PCSK5: variants seen among roughly 807,000 people sequenced by gnomAD.
PCSK5 encodes the protein proprotein convertase subtilisin/kexin type 5.
PCSK5 carries 129 observed loss-of-function variants against 233.2 expected under a neutral mutation model. That is an observed-to-expected ratio of 0.55 (90% CI 0.48 to 0.64). PCSK5 has a LOEUF of 0.64. Among genes scored for constraint, PCSK5 ranks in the 30% least tolerant of loss-of-function variants. PCSK5 has a pLI of 0.00. For missense variants in PCSK5, 2,076 were observed against 2,430.1 expected, an observed-to-expected ratio of 0.85 and a Z score of 3.06; for synonymous variants, 825 against 879.2, an observed-to-expected ratio of 0.94 and a Z score of 1.09.
At chr9:76,332,811 A>G (rs1829573878) in intron 34 of PCSK5, among the ~76,000 whole-genome samples, 1 of 152,228 alleles carries the variant, frequency 6.6e-6, no homozygotes, top group Non-Finnish European at 1.5e-5. Flanking sequence ...GTTAACACAA[A>G]GGGTCAGATT....
chr9:76,229,274 T>C (rs932940134), intron 21 of PCSK5, among the ~76,000 whole-genome samples: 3 of 152,250 alleles, frequency 2.0e-5, no homozygotes, highest in African/African-American at 7.2e-5. Flanking sequence ...TGCCAATGCA[T>C]GTTTGGACGT....
chr9:76,076,293 G>A (rs1212316132), intron 7 of PCSK5, among the ~76,000 whole-genome samples: 1 of 151,370 alleles, frequency 6.6e-6, no homozygotes, highest in East Asian at 1.9e-4. Flanking sequence ...AGCTCAGCAA[G>A]GCTTTCTAAA....
intron 5 of PCSK5, among the ~76,000 whole-genome samples, chr9:76,065,567 C>G (rs903498472): frequency 6.6e-6 from 1 of 152,034 alleles, no homozygotes; most frequent in Non-Finnish European, 1.5e-5. Context: ...CCTGGTCAGA[C>G]AGAGTTTGCC....
At chr9:76,189,827 A>C in intron 20 of PCSK5, 81 bp downstream of exon 20, 1 of 754,264 alleles carries the variant, frequency 1.3e-6, no homozygotes, top group Non-Finnish European at 2.3e-6. Context: ...TCCACTTAAA[A>C]AAGAAACTCA....
intron 5 of PCSK5, among the ~76,000 whole-genome samples, chr9:76,040,325 G>GTCTCTCTCTCTCTCTCTCTCTC (rs757550088): frequency 8.9e-5 from 7 of 79,050 alleles, no homozygotes; most frequent in Non-Finnish European, 1.6e-4. Flanking sequence ...TGTGTTCTCT[G>GTCTCTCTCTCTCTCTCTCTCTC]TCTCTCTCTC....
At chr9:75,896,993 A>G (rs1825835327) in intron 1 of PCSK5, among the ~76,000 whole-genome samples, 1 of 152,182 alleles carries the variant, frequency 6.6e-6, no homozygotes, top group Non-Finnish European at 1.5e-5. Flanking sequence ...CAAGACTAAG[A>G]GTCAGGTTTG....
intron 24 of PCSK5, among the ~76,000 whole-genome samples, chr9:76,289,469 CCACA>C (rs201456283): frequency 0.22 from 28,500 of 129,708 alleles, 3,737 homozygotes; most frequent in Middle Eastern, 0.33. Context: ...ATTCCCCTCA[CCACA>C]CACACACACA....
intron 12 of PCSK5, among the ~76,000 whole-genome samples, chr9:76,164,968 T>C (rs1330968357): frequency 6.6e-6 from 1 of 151,872 alleles, no homozygotes; most frequent in African/African-American, 2.4e-5. Context: ...TCATTTTAGG[T>C]ATTACAGACC....
intron 24 of PCSK5, among the ~76,000 whole-genome samples, chr9:76,264,099 C>T (rs1827263790): frequency 6.6e-6 from 1 of 152,076 alleles, no homozygotes; most frequent in South Asian, 2.1e-4. Flanking sequence ...GGTATTTGTA[C>T]AGAAACAAAC....
At chr9:76,069,747 G>A (rs1021934101) in intron 6 of PCSK5, among the ~76,000 whole-genome samples, 1 of 152,126 alleles carries the variant, frequency 6.6e-6, no homozygotes, top group Non-Finnish European at 1.5e-5. Flanking sequence ...TAGAACACTA[G>A]TGAGCTTATT....
chr9:75,904,456 C>T (rs897458292), intron 1 of PCSK5, among the ~76,000 whole-genome samples: 2 of 152,070 alleles, frequency 1.3e-5, no homozygotes, highest in African/African-American at 4.8e-5. Context: ...ACCAATTTCT[C>T]AATTAAAAAT....
At chr9:76,032,145 A>C (rs775269378) in intron 5 of PCSK5, among the ~76,000 whole-genome samples, 5 of 152,222 alleles carry the variant, frequency 3.3e-5, no homozygotes, top group Admixed American at 2.0e-4. Flanking sequence ...TGTAATTATC[A>C]TCAGAATAAG....
chr9:76,325,733 G>A (rs139476545), intron 32 of PCSK5, among the ~76,000 whole-genome samples: 1 of 151,946 alleles, frequency 6.6e-6, no homozygotes, highest in Non-Finnish European at 1.5e-5. Context: ...CGCCTCCCTG[G>A]TTCAAGAGAT....
Position 75,932,454 on chromosome 9 carries a change from A to C in PCSK5, c.268A>C (p.Thr90Pro). The C allele has an allele frequency of 1.2e-6, 2 of 1,611,906 alleles. No homozygotes were observed. The highest frequency in any genetic ancestry group is 2.7e-5 in the African/African-American group (2 of 74,970). ...IKRSVISSRGTHSFISMEPKV... is the reference protein window; with the variant it reads ...IKRSVISSRGPHSFISMEPKV... ...AAGGTCAGTTATCTCGAGCAGAGGG[A>C]CCCACAGTTTCATTTCAATGGAACC... is the stretch of plus-strand genomic sequence containing the variant. The change falls in exon 2 of 38, where the codon ACC becomes CCC. Residue 90 changes from threonine to proline, a missense_variant. Physicochemically the swap from Thr to Pro is conservative, Grantham distance 38. This residue lies in a region of PCSK5 where 190 missense variants were observed against 216.3 expected (regional missense o/e 0.88). Transcript: ENST00000674117.
chr9:76,271,185 C>G (rs1289110113), intron 24 of PCSK5, among the ~76,000 whole-genome samples: 1 of 151,976 alleles, frequency 6.6e-6, no homozygotes, highest in African/African-American at 2.4e-5. Context: ...AATTCAGAAT[C>G]AAATGAGCAT....
intron 10 of PCSK5, among the ~76,000 whole-genome samples, chr9:76,146,201 CA>C (rs935712600): frequency 2.6e-5 from 4 of 152,014 alleles, no homozygotes; most frequent in African/African-American, 9.7e-5. Context: ...CTGAAATTTC[CA>C]AAGTCATCCT....
At chr9:76,097,271 G>C (rs1376798580) in intron 8 of PCSK5, among the ~76,000 whole-genome samples, 1 of 5,762 alleles carries the variant, frequency 1.7e-4, no homozygotes, top group African/African-American at 7.6e-4. Context: ...TTTTTTTTTT[G>C]AGACGGAGTC....
At position 76,013,910 on chromosome 9, in the gene PCSK5, T is replaced by C. The variant is rs555982913; in HGVS notation, c.412-9828T>C. On this transcript the variant is annotated intron_variant, in intron 3 of 37. Transcript: ENST00000674117. Reference sequence around the variant, plus strand: ...CCTTGACCCTGTATGTCTCCAACATTAGAAAAAAAATTATTTCCCATAATT... The same window carrying C: ...CCTTGACCCTGTATGTCTCCAACATCAGAAAAAAAATTATTTCCCATAATT... 2.6e-5 allele frequency among the ~76,000 whole-genome samples: 4 copies of C among 151,826 alleles called. No homozygotes were observed. In the South Asian group the frequency reaches 8.3e-4, roughly 32 times the overall value.
intron 7 of PCSK5, among the ~76,000 whole-genome samples, chr9:76,085,498 T>G (rs758531228): frequency 6.6e-6 from 1 of 152,208 alleles, no homozygotes; most frequent in Non-Finnish European, 1.5e-5. Context: ...AGTCCTGCAA[T>G]GGGTTTCTTT....
Sources: gnomAD v4.1 joint callset for allele counts (sites outside exome capture counted in the v4.1 genomes callset) on GRCh38, gnomAD v4.1.1 for gene constraint, gnomAD v4.1.1 regional missense constraint, MANE v1.5 for transcripts, NCBI Gene and HGNC (gene_info 2026-07-23, HGNC 2026-07-21) for gene names.